Variants in SCAPER observed in about 807,000 individuals in gnomAD.
The protein encoded by SCAPER is S-phase cyclin A associated protein in the ER.
In SCAPER, 98 loss-of-function variants were observed where a neutral mutation model predicts 182.2. The ratio of observed to expected loss-of-function variants is 0.54; its 90% confidence interval spans 0.46 to 0.64. The LOEUF (loss-of-function observed/expected upper bound fraction) is 0.64. Ranked by LOEUF, SCAPER falls within the 30% of genes least tolerant of loss-of-function variation. SCAPER has a pLI of 0.00. For missense variants in SCAPER, 1,432 were observed against 1,690.0 expected (o/e 0.85, Z 2.68); for synonymous variants, 605 against 564.6 (o/e 1.07, Z -1.01).
chr15:76,689,091 G>A (rs989155825), intron 20 of SCAPER, among the ~76,000 whole-genome samples: 12 of 151,596 alleles, frequency 7.9e-5, no homozygotes, highest in Non-Finnish European at 1.5e-4. Context: ...CTAGTGATCC[G>A]CCCGCCTCAG....
chr15:76,694,136 T>C (rs1418209341), intron 20 of SCAPER, among the ~76,000 whole-genome samples: 1 of 151,982 alleles, frequency 6.6e-6, no homozygotes, highest in African/African-American at 2.4e-5. Flanking sequence ...AAAAATGTCA[T>C]TGAAATTTTG....
intron 17 of SCAPER, among the ~76,000 whole-genome samples, chr15:76,714,131 C>A (rs893352786): frequency 6.6e-6 from 1 of 151,586 alleles, no homozygotes; most frequent in Non-Finnish European, 1.5e-5. Context: ...AGATGACAGA[C>A]AAGAGAGAAA....
intron 24 of SCAPER, among the ~76,000 whole-genome samples, chr15:76,477,028 G>A (rs556014909): frequency 4.6e-5 from 7 of 151,760 alleles, no homozygotes; most frequent in South Asian, 2.1e-4. Context: ...GGCTACTTGC[G>A]TATATAATAG....
intron 18 of SCAPER, among the ~76,000 whole-genome samples, chr15:76,704,622 T>A (rs2059145278): frequency 6.6e-6 from 1 of 152,024 alleles, no homozygotes; most frequent in East Asian, 1.9e-4. Context: ...TTGTCAAAGA[T>A]CAGATAGTTT....
intron 22 of SCAPER, among the ~76,000 whole-genome samples, chr15:76,575,144 A>G (rs1279946119): frequency 2.0e-5 from 3 of 152,148 alleles, no homozygotes; most frequent in Admixed American, 6.5e-5. Context: ...ACTATGGGCT[A>G]GGCACCATTC....
chr15:76,420,448 T>A (rs550632874), intron 26 of SCAPER, among the ~76,000 whole-genome samples: 2 of 151,930 alleles, frequency 1.3e-5, no homozygotes, highest in African/African-American at 4.8e-5. Context: ...TTCACCAAAT[T>A]AGCAGGATAC....
intron 5 of SCAPER, among the ~76,000 whole-genome samples, chr15:76,805,058 T>G (rs1469509583): frequency 6.6e-6 from 1 of 152,192 alleles, no homozygotes; most frequent in Non-Finnish European, 1.5e-5. Flanking sequence ...AACAATATTA[T>G]TAAAAATTAA....
intron 27 of SCAPER, among the ~76,000 whole-genome samples, chr15:76,382,524 C>T (rs965876466): frequency 6.6e-6 from 1 of 151,898 alleles, no homozygotes; most frequent in African/African-American, 2.4e-5. Context: ...ATATGTGAAG[C>T]ATCTAGAGGC....
intron 4 of SCAPER, chr15:76,855,964 T>C (rs897523123): frequency 1.8e-5 from 5 of 284,476 alleles, no homozygotes; most frequent in Non-Finnish European, 3.1e-5. Context: ...TAAAGACACA[T>C]GCACGTGAAT....
At chr15:76,726,006 A>G (rs1033013437) in intron 17 of SCAPER, among the ~76,000 whole-genome samples, 35 of 150,198 alleles carry the variant, frequency 2.3e-4, no homozygotes, top group Non-Finnish European at 5.2e-4. Flanking sequence ...AAATTGAACT[A>G]TGTCCAAATT....
intron 22 of SCAPER, among the ~76,000 whole-genome samples, chr15:76,620,605 A>T (rs2051940185): frequency 1.3e-5 from 2 of 152,244 alleles, no homozygotes; most frequent in South Asian, 4.1e-4. Context: ...TGTAAATGCA[A>T]ATAATGGCTA....
At chr15:76,402,335 T>C (rs902886816) in intron 27 of SCAPER, among the ~76,000 whole-genome samples, 1 of 152,176 alleles carries the variant, frequency 6.6e-6, no homozygotes, top group Non-Finnish European at 1.5e-5. Context: ...CTCTAGCAAA[T>C]AGCTCCTTGT....
intron 20 of SCAPER, among the ~76,000 whole-genome samples, chr15:76,680,450 A>G (rs969358859): frequency 4.2e-5 from 6 of 142,204 alleles, no homozygotes; most frequent in African/African-American, 1.5e-4. Flanking sequence ...TAATAATAAT[A>G]ATACAGGGGC....
At chr15:76,815,235 T>C (rs1463185543) in intron 5 of SCAPER, among the ~76,000 whole-genome samples, 5 of 152,194 alleles carry the variant, frequency 3.3e-5, no homozygotes, top group Non-Finnish European at 5.9e-5. Flanking sequence ...AACTACCATA[T>C]GACCCAAAAA....
At chr15:76,900,426 T>C (rs906698336) in intron 1 of SCAPER, among the ~76,000 whole-genome samples, 2 of 149,850 alleles carry the variant, frequency 1.3e-5, no homozygotes, top group African/African-American at 4.9e-5. Flanking sequence ...ATATTGACAG[T>C]GGTACTCAAA....
intron 17 of SCAPER, among the ~76,000 whole-genome samples, chr15:76,720,454 C>T (rs1170273612): frequency 1.1e-4 from 17 of 152,056 alleles, no homozygotes; most frequent in East Asian, 3.9e-4. Context: ...AGTAATGGGA[C>T]GACTGGGTCA....
At chr15:76,415,155 C>A (rs1332739052) in intron 26 of SCAPER, among the ~76,000 whole-genome samples, 4 of 152,134 alleles carry the variant, frequency 2.6e-5, no homozygotes, top group Non-Finnish European at 5.9e-5. Flanking sequence ...ATGGAAACTG[C>A]AGTTTTTTTG....
chr15:76,528,101 A>C (rs2144478450), intron 23 of SCAPER, among the ~76,000 whole-genome samples: 1 of 152,346 alleles, frequency 6.6e-6, no homozygotes, highest in South Asian at 2.1e-4. Flanking sequence ...GCCAAGAAGC[A>C]AAATCAAGGA....
Position 76,354,382 on chromosome 15 carries a change from C to G in SCAPER, c.3856-242G>C. On this transcript the variant is annotated intron_variant, in intron 29 of 31. Transcript: ENST00000563290. This position sits in a 1 kb window ranked among gnomAD's most constrained non-coding sequence, Gnocchi z 4.4. Reference sequence around the variant, plus strand: ...GCACTCATTTAAAAGTTATTATAATCCACGATTAAAGGTGTAGCTGCCACG... The same window carrying G: ...GCACTCATTTAAAAGTTATTATAATGCACGATTAAAGGTGTAGCTGCCACG... The G allele has an allele frequency of 9.6e-6, 4 of 415,832 alleles. No homozygotes were observed. In the South Asian group the frequency reaches 1.5e-4, roughly 15 times the overall value. 25.8% of individuals were successfully genotyped at this position (415,832 alleles called of 1,614,324 possible). A position where few individuals can be genotyped will look rare whatever the true frequency, so the allele number is the denominator to read the frequency against.
Sources: gnomAD v4.1 joint callset for allele counts (sites outside exome capture counted in the v4.1 genomes callset) on GRCh38, gnomAD v4.1.1 for gene constraint, Gnocchi (gnomAD v3.1) non-coding constraint, MANE v1.5 for transcripts, NCBI Gene and HGNC (gene_info 2026-07-23, HGNC 2026-07-21) for gene names.